KIR2DL3: variants seen among roughly 807,000 people sequenced by gnomAD.
The protein encoded by KIR2DL3 is killer cell immunoglobulin-like receptor 2DL3.
In KIR2DL3, 39 loss-of-function variants were observed where a neutral mutation model predicts 33.8. The ratio of observed to expected loss-of-function variants is 1.15; its 90% CI spans 0.89 to 1.51. The LOEUF is 1.51. Ranked by LOEUF, KIR2DL3 falls within the 40% of genes most tolerant of loss-of-function variation. The pLI is 0.00. For synonymous variants in KIR2DL3, 174 were observed against 160.2 expected, an observed-to-expected ratio of 1.09 and a Z score of -0.65; for missense variants, 462 against 426.2, an observed-to-expected ratio of 1.08 and a Z score of -0.74.
At chr19:54,744,871 T>TACAA (rs71195796) in intron 4 of KIR2DL3, among the ~76,000 whole-genome samples, 6 of 28,646 alleles carry the variant, frequency 2.1e-4, no homozygotes, top group African/African-American at 1.1e-3. Flanking sequence ...TAAATACATT[T>TACAA]ATATATATAT....
rs1479432295 is a variant in KIR2DL3, at chr19:54,741,867, C to T, written c.71-113C>T. 134 of 1,291,600 alleles carry T rather than the reference C, an allele frequency of 1.0e-4. 2 individuals are homozygous for T. In the South Asian group the frequency reaches 1.6e-3, roughly 15 times the overall value. The allele number at this position is 1,291,600 out of a possible 1,614,324, so 80.0% of individuals were successfully genotyped here. ...GGGCACAGAAAAGAACATGAAGACA[C>T]AGAGAGGAAGGAGAGAGACAGACAC... On this transcript the variant is annotated intron_variant, in intron 2 of 7. Coordinates refer to ENST00000342376, the MANE Select transcript of KIR2DL3 (RefSeq NM_015868.3).
At position 54,751,816 on chromosome 19, in the gene KIR2DL3, C is replaced by T. The variant is rs537136233; in HGVS notation, c.820+63C>T. 8.6e-6 allele frequency: 11 copies of T among 1,279,948 alleles called. 1 individual carries two copies. In the East Asian group the frequency reaches 1.6e-4, roughly 19 times the overall value. 79.3% of individuals were successfully genotyped at this position (1,279,948 alleles called of 1,614,324 possible). A position where few individuals can be genotyped will look rare whatever the true frequency, so the allele number is the denominator to read the frequency against. On this transcript the variant is annotated intron_variant, in intron 6 of 7. Transcript: ENST00000342376. The stretch of plus-strand genomic sequence containing the variant: ...CATGTGGGGAAGCAGGATGGGAGCA[C>T]TCAGGTGTGTGTTCCTCACAGACAG...
rs373998098 is a variant in KIR2DL3, at chr19:54,740,316, G to A, written c.70+774G>A. On this transcript the variant is annotated intron_variant, in intron 2 of 7. Transcript: ENST00000342376. ...TGTCTGCCTGGCCCAGCCTTGTGGT[G>A]CCTCTAGGACATGTCATTCTTCGGT... is the stretch of plus-strand genomic sequence containing the variant. Among the ~76,000 whole-genome samples the A allele has an allele frequency of 4.6e-5, 7 of 152,130 alleles. No individual in the cohort carries two copies. In the East Asian group the frequency reaches 1.4e-3, roughly 29 times the overall value.
chr19:54,751,193 G>C (rs569888076), intron 5 of KIR2DL3, among the ~76,000 whole-genome samples: 1 of 132,528 alleles, frequency 7.5e-6, no homozygotes, highest in East Asian at 2.0e-4. Flanking sequence ...TGTCTGTGCA[G>C]AGACCACAGA....
At chr19:54,744,928 A>ATATGTG (rs1179461641) in intron 4 of KIR2DL3, among the ~76,000 whole-genome samples, 32 of 16,690 alleles carry the variant, frequency 1.9e-3, no homozygotes, top group Admixed American at 4.9e-3. Context: ...AAACATATAT[A>ATATGTG]TATATATATA....
rs1360830115 is a variant in KIR2DL3, at chr19:54,751,711, C to T, written c.778C>T (p.Leu260Phe). ...AGTGGTCATCATCCTCTTCATCCTC[C>T]TCCTCTTCTTTCTCCTTCATCGCTG... ...TSVVIILFIL[L>F]LFFLLHRWCC... The change falls in exon 6 of 8, where the codon CTC becomes TTC. Residue 260 changes from leucine (L) to phenylalanine (F), a missense_variant. By Grantham distance (22) the Leu-to-Phe change is conservative (BLOSUM62 0). Transcript: ENST00000342376. The T allele has an allele frequency of 6.8e-7, 1 of 1,473,846 alleles. No individual in the cohort carries two copies. Among genetic ancestry groups the T allele is most frequent in the Non-Finnish European group, 9.2e-7 (1 of 1,083,514 alleles). The allele number at this position is 1,473,846 out of a possible 1,614,324, so 91.3% of individuals were successfully genotyped here.
In KIR2DL3 at chr19:54,742,187, A is replaced by G. The variant is rs771362945; in HGVS notation, c.278A>G (p.Asp93Gly). The G allele has an allele frequency of 2.5e-6, 4 of 1,614,082 alleles. No individual in the cohort carries two copies. In the East Asian group the frequency reaches 8.9e-5, roughly 36 times the overall value. ...TTCTCCATCGGTCCCATGATGCAAG[A>G]CCTTGCAGGGACCTACAGATGCTAC... ...ANFSIGPMMQDLAGTYRCYGS... is the reference protein window; with the variant it reads ...ANFSIGPMMQGLAGTYRCYGS... Residue 93 changes from aspartate (D) to glycine (G), a missense_variant, in exon 3 of 8, where the codon GAC (aspartate) becomes GGC (glycine). Asp to Gly is a moderately conservative substitution (Grantham distance 94). Coordinates refer to ENST00000342376, the MANE Select transcript of KIR2DL3 (RefSeq NM_015868.3).
intron 5 of KIR2DL3, 44 bp downstream of exon 5, chr19:54,747,429 A>G: frequency 6.3e-7 from 1 of 1,596,574 alleles, no homozygotes; most frequent in Non-Finnish European, 8.6e-7. Flanking sequence ...AAACCTGGGG[A>G]GGTAGAAACC....
Position 54,752,608 on chromosome 19 carries a change from G to C in KIR2DL3, c.*89G>C. 7.1e-7 allele frequency: 1 copy of C among 1,415,992 alleles called. No individual in the cohort carries two copies. The highest frequency in any genetic ancestry group is 9.7e-7 in the Non-Finnish European group (1 of 1,034,250). 87.7% of individuals were successfully genotyped at this position (1,415,992 alleles called of 1,614,324 possible). A position where few individuals can be genotyped will look rare whatever the true frequency, so the allele number is the denominator to read the frequency against. On this transcript the variant is annotated 3_prime_UTR_variant, in exon 8 of 8. Coordinates refer to ENST00000342376, the MANE Select transcript of KIR2DL3 (RefSeq NM_015868.3). ...AACAGCCCTGTCTCAAAACTGGGTT[G>C]CCAGCTCCAATGTACCAGCAGCTGG...
In KIR2DL3 at chr19:54,744,022, G is replaced by C. The variant is rs771803423; in HGVS notation, c.598G>C (p.Gly200Arg). The C allele has an allele frequency of 1.2e-6, 2 of 1,614,204 alleles. No individual in the cohort carries two copies. The highest frequency in any genetic ancestry group is 1.3e-5 in the African/African-American group (1 of 75,054). ...ATHGGTYRCF[G>R]SFRDSPYEWS... ...CCACGGAGGAACCTACAGATGCTTC[G>C]GCTCTTTCCGTGACTCTCCATACGA... is the stretch of plus-strand genomic sequence containing the variant. Residue 200 changes from glycine (G) to arginine (R), a missense_variant, in exon 4 of 8, where the codon GGC becomes CGC. By Grantham distance (125) the Gly-to-Arg change is moderately radical (BLOSUM62 -2). Transcript: ENST00000342376.
chr19:54,751,434 A>G lies in KIR2DL3; in HGVS notation c.716-215A>G, dbSNP rs200604681. Among the ~76,000 whole-genome samples, 39 of 127,836 alleles carry G rather than the reference A, an allele frequency of 3.1e-4. 2 individuals carry two copies. The highest frequency in any genetic ancestry group is 8.6e-4 in the South Asian group (3 of 3,472). 83.9% of individuals were successfully genotyped at this position (127,836 alleles called of 152,430 possible). ...TTCAATGTGAGGTTTGAAGGGGTCA[A>G]ACATCTCAACTAAAGTAGTTGTATC... On this transcript the variant is annotated intron_variant, in intron 5 of 7. Coordinates refer to ENST00000342376, the MANE Select transcript of KIR2DL3 (RefSeq NM_015868.3).
In KIR2DL3 at chr19:54,752,293, G is replaced by C. The variant is rs372587690; in HGVS notation, c.873+25G>C. 2.1e-6 allele frequency: 3 copies of C among 1,459,166 alleles called. 1 individual carries two copies. The highest frequency in any genetic ancestry group is 2.8e-6 in the Non-Finnish European group (3 of 1,073,394). 90.4% of individuals were successfully genotyped at this position (1,459,166 alleles called of 1,614,324 possible). ...GGTAGGTGCTCCTCGGCCCAGCCTCGTGGCTAGTGTTATTCCCAAAGAGTC... is the reference window on the plus strand; with the variant it reads ...GGTAGGTGCTCCTCGGCCCAGCCTCCTGGCTAGTGTTATTCCCAAAGAGTC... On this transcript the variant is annotated intron_variant, in intron 7 of 7. Coordinates refer to ENST00000342376, the MANE Select transcript of KIR2DL3 (RefSeq NM_015868.3).
At chr19:54,748,651 G>T (rs574773778) in intron 5 of KIR2DL3, among the ~76,000 whole-genome samples, 55 of 143,494 alleles carry the variant, frequency 3.8e-4, no homozygotes, top group East Asian at 7.9e-4. Context: ...AGACAGAGTC[G>T]CCCTCTGTCT....
rs1282818989 is a variant in KIR2DL3, at chr19:54,742,385, G to C, written c.370+106G>C. ...GGAAGATGAGCTTGGTATTCTTATG[G>C]AGAGAGACTGACTTGCTGAGGTTTG... On this transcript the variant is annotated intron_variant, in intron 3 of 7. Transcript: ENST00000342376. The C allele has an allele frequency of 4.1e-6, 6 of 1,479,684 alleles. No homozygotes were observed. In the Admixed American group the frequency reaches 7.0e-5, roughly 17 times the overall value. 91.7% of individuals were successfully genotyped at this position (1,479,684 alleles called of 1,614,324 possible). A position where few individuals can be genotyped will look rare whatever the true frequency, so the allele number is the denominator to read the frequency against.
intron 5 of KIR2DL3, among the ~76,000 whole-genome samples, chr19:54,751,205 A>G (rs1309083862): frequency 7.6e-6 from 1 of 131,808 alleles, no homozygotes; most frequent in Non-Finnish European, 1.7e-5. Flanking sequence ...GACCACAGAG[A>G]TCACACGGCA....
Position 54,751,665 on chromosome 19 carries a change from G to A in KIR2DL3, c.732G>A (p.Leu244=), listed in dbSNP as rs368269920. 93 of 1,503,068 alleles carry A rather than the reference G, an allele frequency of 6.2e-5. 10 individuals are homozygous for A. The highest frequency in any genetic ancestry group is 3.8e-4 in the African/African-American group (25 of 65,020). 93.1% of individuals were successfully genotyped at this position (1,503,068 alleles called of 1,614,324 possible). ...PSSETGNPRH[L]HVLIGTSVVI... ...TTCTTCCAGGTAACCCCAGACACCT[G>A]CATGTTCTGATTGGGACCTCAGTGG... The change falls in exon 6 of 8, where the codon CTG becomes CTA. Residue 244 remains leucine, a synonymous_variant. Transcript: ENST00000342376.
rs776687200 is a variant in KIR2DL3, at chr19:54,744,046, G to A, written c.622G>A (p.Glu208Lys). The A allele has an allele frequency of 4.5e-5, 73 of 1,614,106 alleles. No individual in the cohort carries two copies. The highest frequency in any genetic ancestry group is 4.9e-5 in the Non-Finnish European group (58 of 1,180,048). The change falls in exon 4 of 8, where the codon GAG (glutamate) becomes AAG (lysine). Residue 208 changes from glutamate to lysine, a missense_variant. Glu to Lys is a moderately conservative substitution (Grantham distance 56). Coordinates refer to ENST00000342376, the MANE Select transcript of KIR2DL3 (RefSeq NM_015868.3). ...CGGCTCTTTCCGTGACTCTCCATAC[G>A]AGTGGTCAAACTCGAGTGACCCACT... ...CFGSFRDSPY[E>K]WSNSSDPLLV...
At chr19:54,749,268 C>T (rs1555915656) in intron 5 of KIR2DL3, among the ~76,000 whole-genome samples, 22,100 of 146,522 alleles carry the variant, frequency 0.15, 17 homozygotes, top group African/African-American at 0.22. Context: ...TCGGGGTAAC[C>T]AGGAATCCCT....
intron 1 of KIR2DL3, 37 bp from the exon 2 acceptor site, chr19:54,739,470 C>T (rs1568913771): frequency 1.8e-5 from 29 of 1,613,726 alleles, no homozygotes; most frequent in Non-Finnish European, 2.2e-5. Flanking sequence ...CCTGGTTTGC[C>T]TGCAGATGGA....
Sources: allele counts gnomAD v4.1 joint callset (sites outside exome capture counted in the v4.1 genomes callset), GRCh38; gene constraint gnomAD v4.1.1; transcripts MANE v1.5; gene names NCBI Gene and HGNC (gene_info 2026-07-23, HGNC 2026-07-21).